ZFHX4: variants seen among roughly 807,000 people sequenced by gnomAD.
ZFHX4 encodes zinc finger homeobox protein 4.
In ZFHX4, 56 loss-of-function variants were observed where a neutral mutation model predicts 267.6. That is an observed-to-expected ratio of 0.21 (90% CI 0.17 to 0.26). The LOEUF is 0.26. Ranked by LOEUF, ZFHX4 falls within the 10% of genes least tolerant of loss-of-function variation. The pLI is 1.00. For missense variants in ZFHX4, 4,332 were observed against 4,420.0 expected, an observed-to-expected ratio of 0.98 and a Z score of 0.56; for synonymous variants, 1,778 against 1,665.6, an observed-to-expected ratio of 1.07 and a Z score of -1.64.
intron 3 of ZFHX4, among the ~76,000 whole-genome samples, chr8:76,764,904 G>C (rs1273839810): frequency 6.6e-6 from 1 of 152,144 alleles, no homozygotes; most frequent in Non-Finnish European, 1.5e-5. Flanking sequence ...CCAGACCTAG[G>C]TTAATTAACA....
At chr8:76,760,928 CAA>C (rs771069673) in intron 3 of ZFHX4, among the ~76,000 whole-genome samples, 8 of 64,126 alleles carry the variant, frequency 1.2e-4, no homozygotes, top group Non-Finnish European at 1.9e-4. Flanking sequence ...GACCCTGCCT[CAA>C]AAAAAAAAAA....
chr8:76,833,010 C>G (rs1811976157), intron 4 of ZFHX4, among the ~76,000 whole-genome samples: 2 of 152,240 alleles, frequency 1.3e-5, no homozygotes, highest in Admixed American at 6.5e-5. Context: ...GCTATTGTCA[C>G]TATAACACAT....
chr8:76,835,265 A>ATATATG (rs1812063274), intron 5 of ZFHX4, among the ~76,000 whole-genome samples: 1 of 83,554 alleles, frequency 1.2e-5, no homozygotes, highest in Non-Finnish European at 2.3e-5. Context: ...ATATATTCAT[A>ATATATG]CATATATTTG....
In ZFHX4 at chr8:76,743,445, C is replaced by T. The variant is rs138179353; in HGVS notation, c.3094-34763C>T. 9.9e-4 allele frequency among the ~76,000 whole-genome samples: 150 copies of T among 152,270 alleles called. 1 individual carries two copies. Among genetic ancestry groups the T allele is most frequent in the African/African-American group, 3.3e-3 (137 of 41,532 alleles). On this transcript the variant is annotated intron_variant, in intron 3 of 10. Transcript: ENST00000651372. ...GAACATGCGTGCCACCCATGATAGC[C>T]ATTTTAAATTGAGTGTATTTGGGGA... is the stretch of plus-strand genomic sequence containing the variant.
Sources: allele counts gnomAD v4.1 joint callset (sites outside exome capture counted in the v4.1 genomes callset), GRCh38; gene constraint gnomAD v4.1.1; transcripts MANE v1.5; gene names NCBI Gene and HGNC (gene_info 2026-07-23, HGNC 2026-07-21).